The following CNTNAP2 variants were observed in gnomAD, a reference collection of about 807,000 sequenced individuals.
The protein encoded by CNTNAP2 is contactin associated protein 2, also known as contactin-associated protein-like 2.
A neutral mutation model predicts 155.2 loss-of-function variants in CNTNAP2; 98 were observed. The ratio of observed to expected loss-of-function variants is 0.63; its 90% CI spans 0.54 to 0.75. The LOEUF (loss-of-function observed/expected upper bound fraction) is 0.75, where lower values mean the gene tolerates loss of function less well. Among genes scored for constraint, CNTNAP2 ranks in the 30% least tolerant of loss-of-function variants. The probability of loss-of-function intolerance (pLI) is 0.00; values close to 1 mark genes in which losing one functional copy is unlikely to be tolerated. For missense variants in CNTNAP2, 1,727 were observed against 1,688.1 expected (o/e 1.02, Z -0.40); for synonymous variants, 651 against 631.2 (o/e 1.03, Z -0.47).
At chr7:146,908,846 A>C (rs1796207026) in intron 3 of CNTNAP2, among the ~76,000 whole-genome samples, 2 of 144,618 alleles carry the variant, frequency 1.4e-5, no homozygotes, top group East Asian at 1.9e-4. Context: ...CCCTTCAAAA[A>C]AATCAATGAA....
intron 1 of CNTNAP2, among the ~76,000 whole-genome samples, chr7:146,361,857 A>G (rs1795087527): frequency 6.6e-6 from 1 of 152,192 alleles, no homozygotes; most frequent in South Asian, 2.1e-4. Flanking sequence ...GCAGTACTGC[A>G]TATTTGAAGT....
At chr7:148,394,251 C>T (rs1258312843) in intron 22 of CNTNAP2, among the ~76,000 whole-genome samples, 2 of 152,034 alleles carry the variant, frequency 1.3e-5, no homozygotes, top group Non-Finnish European at 2.9e-5. Flanking sequence ...CCCAAATGGC[C>T]CACTGTTCCA....
At position 146,316,014 on chromosome 7, in the gene CNTNAP2, T is replaced by G. The variant is rs549306523; in HGVS notation, c.97+199041T>G. 2.0e-3 allele frequency among the ~76,000 whole-genome samples: 311 copies of G among 152,344 alleles called. 3 individuals carry two copies. The highest frequency in any genetic ancestry group is 7.0e-3 in the African/African-American group (292 of 41,598). ...TTTCAGTTTTTTGAAACAAATCAAG[T>G]AAACTATACACAGAAGATACATGAT... On this transcript the variant is annotated intron_variant, in intron 1 of 23. Coordinates refer to ENST00000361727, the MANE Select transcript of CNTNAP2 (RefSeq NM_014141.6).
chr7:147,363,101 C>T (rs143206200), intron 9 of CNTNAP2, among the ~76,000 whole-genome samples: 33 of 152,184 alleles, frequency 2.2e-4, no homozygotes, highest in South Asian at 8.3e-4. Context: ...TAGCATCCAA[C>T]GGGATGCTAA....
intron 10 of CNTNAP2, among the ~76,000 whole-genome samples, chr7:147,456,527 T>C (rs1226907924): frequency 6.6e-6 from 1 of 152,052 alleles, no homozygotes; most frequent in African/African-American, 2.4e-5. Flanking sequence ...TTTTCTTTCA[T>C]TGGAGAGGTG....
At chr7:146,463,007 G>T (rs772376401) in intron 1 of CNTNAP2, among the ~76,000 whole-genome samples, 13 of 152,114 alleles carry the variant, frequency 8.5e-5, no homozygotes, top group Admixed American at 2.0e-4. Flanking sequence ...CCCCTTGCAG[G>T]TGAGGTAGGC....
chr7:146,635,806 T>TAAA (rs5888216), intron 1 of CNTNAP2, among the ~76,000 whole-genome samples: 2 of 146,946 alleles, frequency 1.4e-5, no homozygotes. Flanking sequence ...GACTCATCTC[T>TAAA]AAAAAAAAAA....
intron 2 of CNTNAP2, among the ~76,000 whole-genome samples, chr7:146,838,127 T>G (rs934829769): frequency 4.6e-5 from 7 of 152,126 alleles, no homozygotes; most frequent in Non-Finnish European, 1.0e-4. Flanking sequence ...GTAATATGTT[T>G]CCGTTTCAAT....
intron 1 of CNTNAP2, among the ~76,000 whole-genome samples, chr7:146,215,672 A>T (rs1799101885): frequency 6.6e-6 from 1 of 152,034 alleles, no homozygotes; most frequent in African/African-American, 2.4e-5. Flanking sequence ...AATTTGTTAA[A>T]CTTCCTGTAT....
At chr7:147,487,475 A>G (rs1406284) in intron 11 of CNTNAP2, among the ~76,000 whole-genome samples, 121,269 of 152,058 alleles carry the variant, frequency 0.8, 48,978 homozygotes, top group African/African-American at 0.93. Flanking sequence ...GATGAAACTC[A>G]GTGCCTTCAC....
At chr7:146,757,267 CT>C (rs1444281894) in intron 1 of CNTNAP2, among the ~76,000 whole-genome samples, 1 of 152,018 alleles carries the variant, frequency 6.6e-6, no homozygotes, top group Non-Finnish European at 1.5e-5. Flanking sequence ...GTGTCATTAT[CT>C]ATTACTTTGA....
intron 1 of CNTNAP2, among the ~76,000 whole-genome samples, chr7:146,153,525 C>T (rs1335073830): frequency 6.6e-6 from 1 of 152,158 alleles, no homozygotes. Context: ...ATAAGGCTTA[C>T]AAAACCACTA....
chr7:147,062,905 C>A (rs574131175), intron 4 of CNTNAP2, among the ~76,000 whole-genome samples: 1 of 152,022 alleles, frequency 6.6e-6, no homozygotes, highest in Non-Finnish European at 1.5e-5. Flanking sequence ...AAGCATTTTC[C>A]AGAAGGAGTT....
At chr7:147,561,129 A>G (rs755952407) in intron 11 of CNTNAP2, among the ~76,000 whole-genome samples, 1 of 152,148 alleles carries the variant, frequency 6.6e-6, no homozygotes, top group South Asian at 2.1e-4. Flanking sequence ...TTCTAGGACC[A>G]TGCAATTATT....
intron 8 of CNTNAP2, among the ~76,000 whole-genome samples, chr7:147,150,816 T>C (rs1222443096): frequency 6.6e-6 from 1 of 152,092 alleles, no homozygotes; most frequent in African/African-American, 2.4e-5. Flanking sequence ...AATCACACTG[T>C]ATAATAAAGA....
At chr7:147,678,841 G>A (rs2116976886) in intron 13 of CNTNAP2, among the ~76,000 whole-genome samples, 1 of 152,004 alleles carries the variant, frequency 6.6e-6, no homozygotes, top group African/African-American at 2.4e-5. Context: ...TCTGAAAAGT[G>A]TAAGTGAATC....
intron 20 of CNTNAP2, 119 bp downstream of exon 20, chr7:148,229,898 T>C: frequency 8.7e-7 from 1 of 1,147,864 alleles, no homozygotes; most frequent in Admixed American, 2.0e-5. Context: ...CTTTTTACAC[T>C]TTCTCCTACA....
intron 8 of CNTNAP2, among the ~76,000 whole-genome samples, chr7:147,174,649 A>AC (rs1447007580): frequency 6.6e-6 from 1 of 152,182 alleles, no homozygotes; most frequent in African/African-American, 2.4e-5. Context: ...TGCTTTCTAG[A>AC]ATTTAGACTC....
chr7:147,209,302 T>A lies in CNTNAP2; in HGVS notation c.1348+76793T>A, dbSNP rs1003066470. 2.0e-5 allele frequency among the ~76,000 whole-genome samples: 3 copies of A among 152,066 alleles called. No homozygotes were observed. In the East Asian group the frequency reaches 5.8e-4, roughly 29 times the overall value. ...TGTTTTGTCCTTCTCCTGGTAGAGA[T>A]CTTTCACTTCCTTGGTTACATGTAT... is the stretch of plus-strand genomic sequence containing the variant. On this transcript the variant is annotated intron_variant, in intron 8 of 23. Transcript: ENST00000361727.
Sources: gnomAD v4.1 joint callset for allele counts (sites outside exome capture counted in the v4.1 genomes callset) on GRCh38, gnomAD v4.1.1 for gene constraint, MANE v1.5 for transcripts, NCBI Gene and HGNC (gene_info 2026-07-23, HGNC 2026-07-21) for gene names.